ZBTB46: variants seen among roughly 807,000 people sequenced by gnomAD.
The protein encoded by ZBTB46 is zinc finger and BTB domain containing 46.
In ZBTB46, 8 loss-of-function variants were observed where a neutral mutation model predicts 44.1. That is an observed-to-expected ratio of 0.18 (90% CI 0.11 to 0.33). ZBTB46 has a LOEUF of 0.33. Among genes scored for constraint, ZBTB46 ranks in the 10% least tolerant of loss-of-function variants. The probability of loss-of-function intolerance (pLI) is 1.00; values close to 1 mark genes in which losing one functional copy is unlikely to be tolerated. For missense variants in ZBTB46, 651 were observed against 847.7 expected, an observed-to-expected ratio of 0.77 and a Z score of 2.88; for synonymous variants, 409 against 382.3, an observed-to-expected ratio of 1.07 and a Z score of -0.81.
At chr20:63,763,163 A>G (rs570213620) in intron 3 of ZBTB46, among the ~76,000 whole-genome samples, 2 of 152,310 alleles carry the variant, frequency 1.3e-5, no homozygotes, top group African/African-American at 2.4e-5. Flanking sequence ...CCCAGCCAAT[A>G]AATAGTTTTT....
intron 1 of ZBTB46, among the ~76,000 whole-genome samples, chr20:63,793,167 C>T (rs1457892264): frequency 6.6e-6 from 1 of 152,226 alleles, no homozygotes; most frequent in African/African-American, 2.4e-5. Context: ...GAACAAAGGC[C>T]CCATCCCGCC....
At chr20:63,782,668 G>A (rs1353148281) in intron 2 of ZBTB46, among the ~76,000 whole-genome samples, 1 of 152,178 alleles carries the variant, frequency 6.6e-6, no homozygotes, top group Non-Finnish European at 1.5e-5. Context: ...ACAGGCTGCA[G>A]CCACGCCCCA....
Position 63,767,403 on chromosome 20 carries a change from C to T in ZBTB46, c.1222+8275G>A, listed in dbSNP as rs537863055. 1.3e-5 allele frequency among the ~76,000 whole-genome samples: 2 copies of T among 152,278 alleles called. No homozygotes were observed. The highest frequency in any genetic ancestry group is 4.1e-4 in the South Asian group (2 of 4,824). ...TGGGCATGGAGATGCCTTCACCTGGCAGCAGCCGGCAGAGGACTCGAGAAA... is the reference window on the plus strand; with the variant it reads ...TGGGCATGGAGATGCCTTCACCTGGTAGCAGCCGGCAGAGGACTCGAGAAA... On this transcript the variant is annotated intron_variant, in intron 3 of 4. Coordinates refer to ENST00000245663, the MANE Select transcript of ZBTB46 (RefSeq NM_001369741.1). This position sits in a 1 kb window ranked among gnomAD's most constrained non-coding sequence, Gnocchi z 5.0.
intron 1 of ZBTB46, among the ~76,000 whole-genome samples, chr20:63,798,842 TAAAA>T (rs576160058): frequency 8.5e-6 from 1 of 117,830 alleles, no homozygotes; most frequent in Non-Finnish European, 1.8e-5. Flanking sequence ...AGACTCTGTC[TAAAA>T]AAAAAAAAAA....
intron 3 of ZBTB46, among the ~76,000 whole-genome samples, chr20:63,761,798 G>A (rs941346369): frequency 2.4e-5 from 3 of 124,906 alleles, no homozygotes; most frequent in African/African-American, 3.2e-5. Context: ...AAAAAAAAAA[G>A]TTTATCATTT....
At chr20:63,828,413 T>C (rs1288975669) in intron 1 of ZBTB46, among the ~76,000 whole-genome samples, 1 of 152,214 alleles carries the variant, frequency 6.6e-6, no homozygotes, top group Non-Finnish European at 1.5e-5. Context: ...ATCAAACATT[T>C]ATTCTTAGGA....
intron 4 of ZBTB46, among the ~76,000 whole-genome samples, chr20:63,751,670 A>G (rs1372244007): frequency 7.1e-6 from 1 of 141,648 alleles, no homozygotes; most frequent in Non-Finnish European, 1.5e-5. Context: ...CTCCCCATGA[A>G]GCCCCGCCCC....
intron 2 of ZBTB46, among the ~76,000 whole-genome samples, chr20:63,783,618 G>A (rs1221757373): frequency 1.3e-5 from 2 of 152,300 alleles, no homozygotes; most frequent in East Asian, 3.9e-4. Context: ...ATACCTGAAA[G>A]CAAAAACATC....
upstream of ZBTB46, among the ~76,000 whole-genome samples, chr20:63,833,668 G>GAGCC (rs2092861906): frequency 6.6e-6 from 1 of 152,152 alleles, no homozygotes; most frequent in Non-Finnish European, 1.5e-5. Flanking sequence ...TCTCACCTGG[G>GAGCC]AGCCCCACTC....
In ZBTB46 at chr20:63,769,326, G is replaced by T. The variant is rs1274873973; in HGVS notation, c.1222+6352C>A. On this transcript the variant is annotated intron_variant, in intron 3 of 4. Transcript: ENST00000245663. Reference sequence around the variant, plus strand: ...CAGAGCTCATCCTGTGGCTCTGAGGGTGGAGGGTGGAGGGGCTTCTGTTCT... The same window carrying T: ...CAGAGCTCATCCTGTGGCTCTGAGGTTGGAGGGTGGAGGGGCTTCTGTTCT... 30 of 985,304 alleles carry T rather than the reference G, an allele frequency of 3.0e-5. No individual in the cohort carries two copies. The Middle Eastern group carries it at 2.1e-3, about 68-fold the overall frequency. 61.0% of individuals were successfully genotyped at this position (985,304 alleles called of 1,614,324 possible).
At chr20:63,821,363 G>A (rs1600724546) in intron 1 of ZBTB46, among the ~76,000 whole-genome samples, 1 of 151,314 alleles carries the variant, frequency 6.6e-6, no homozygotes, top group East Asian at 1.9e-4. Flanking sequence ...GTGTTGCCCA[G>A]GGTGGCCTTA....
At chr20:63,789,641 T>C (rs1448112660) in intron 2 of ZBTB46, among the ~76,000 whole-genome samples, 180 bp downstream of exon 2, 5 of 152,248 alleles carry the variant, frequency 3.3e-5, no homozygotes, top group Non-Finnish European at 7.3e-5. Flanking sequence ...GGTGATGCCC[T>C]GCCCTTTGAG....
At chr20:63,749,289 A>G (rs2092135432) in intron 4 of ZBTB46, among the ~76,000 whole-genome samples, 1 of 152,190 alleles carries the variant, frequency 6.6e-6, no homozygotes, top group Non-Finnish European at 1.5e-5. Flanking sequence ...AGAGCCTCAG[A>G]CAACTTGGTG....
At chr20:63,805,573 G>C (rs1279028829) in intron 1 of ZBTB46, among the ~76,000 whole-genome samples, 1 of 152,178 alleles carries the variant, frequency 6.6e-6, no homozygotes, top group Non-Finnish European at 1.5e-5. Context: ...CCAGGAGCTG[G>C]AAGAGGCAGG....
intron 1 of ZBTB46, among the ~76,000 whole-genome samples, chr20:63,827,621 A>C (rs1291026456): frequency 6.7e-6 from 1 of 149,090 alleles, no homozygotes; most frequent in Non-Finnish European, 1.5e-5. Flanking sequence ...TCTCAAAAAA[A>C]AAAAAACAAA....
chr20:63,758,232 T>C (rs1156268926), intron 3 of ZBTB46, among the ~76,000 whole-genome samples: 3 of 141,894 alleles, frequency 2.1e-5, no homozygotes, highest in African/African-American at 5.3e-5. Flanking sequence ...TCCTGCTCCA[T>C]AGGTTCTCAC....
intron 2 of ZBTB46, among the ~76,000 whole-genome samples, chr20:63,782,265 C>G (rs1257875121): frequency 1.3e-5 from 2 of 151,968 alleles, no homozygotes; most frequent in Non-Finnish European, 2.9e-5. Context: ...TTCAGGATCT[C>G]ACGATGAGTC....
At chr20:63,780,585 G>A (rs919560043) in intron 2 of ZBTB46, among the ~76,000 whole-genome samples, 3 of 151,982 alleles carry the variant, frequency 2.0e-5, no homozygotes, top group Non-Finnish European at 2.9e-5. Flanking sequence ...GGCGGATCAC[G>A]AGGTCAGGAG....
At chr20:63,792,704 G>A (rs1465128031) in intron 1 of ZBTB46, among the ~76,000 whole-genome samples, 2 of 152,096 alleles carry the variant, frequency 1.3e-5, no homozygotes, top group African/African-American at 4.8e-5. Flanking sequence ...TTTTAGGAGA[G>A]ATGGGGTTTC....
Sources: allele counts gnomAD v4.1 joint callset (sites outside exome capture counted in the v4.1 genomes callset), GRCh38; gene constraint gnomAD v4.1.1; non-coding constraint Gnocchi (gnomAD v3.1); transcripts MANE v1.5; gene names NCBI Gene and HGNC (gene_info 2026-07-23, HGNC 2026-07-21).